ABCC1: variants seen among roughly 807,000 people sequenced by gnomAD.
The protein encoded by ABCC1 is ATP binding cassette subfamily C member 1 (ABCC1 blood group), also known as multidrug resistance-associated protein 1.
ABCC1 carries 83 observed loss-of-function variants against 172.9 expected under a neutral mutation model. That is an observed-to-expected ratio of 0.48 (90% CI 0.40 to 0.58). The LOEUF is 0.58. ABCC1 is among the 20% of genes least tolerant of loss of function. The pLI, the probability that ABCC1 is intolerant of heterozygous loss-of-function variation, is 0.00. For missense variants in ABCC1, 1,817 were observed against 2,002.7 expected (o/e 0.91, Z 1.77); for synonymous variants, 937 against 825.2 (o/e 1.14, Z -2.32).
At chr16:16,094,001 T>C (rs962840348) in intron 19 of ABCC1, among the ~76,000 whole-genome samples, 1 of 120,540 alleles carries the variant, frequency 8.3e-6, no homozygotes, top group African/African-American at 3.0e-5. Context: ...TTTTTTTTTT[T>C]AACTTTTAAT....
chr16:15,997,928 C>T (rs1349962689), intron 1 of ABCC1, among the ~76,000 whole-genome samples: 1 of 150,388 alleles, frequency 6.6e-6, no homozygotes, highest in African/African-American at 2.5e-5. Flanking sequence ...ATTCTTGTGC[C>T]TCAGCTGCCC....
intron 1 of ABCC1, among the ~76,000 whole-genome samples, chr16:15,975,381 CGTT>C (rs1420693140): frequency 6.6e-6 from 1 of 152,074 alleles, no homozygotes; most frequent in African/African-American, 2.4e-5. Context: ...AGCTTGTACA[CGTT>C]GTTCCTTTTC....
intron 5 of ABCC1, among the ~76,000 whole-genome samples, chr16:16,017,445 C>T (rs375544935): frequency 5.9e-5 from 9 of 151,974 alleles, no homozygotes; most frequent in African/African-American, 1.7e-4. Flanking sequence ...GGTATAGGTA[C>T]AGGATGTGCA....
At chr16:16,114,011 C>A (rs2044736537) in intron 22 of ABCC1, among the ~76,000 whole-genome samples, 1 of 152,200 alleles carries the variant, frequency 6.6e-6, no homozygotes, top group Non-Finnish European at 1.5e-5. Flanking sequence ...CACTCACCTC[C>A]TGCTGTGGGG....
At chr16:16,016,391 T>G in intron 4 of ABCC1, 105 bp from the exon 5 acceptor site, 1 of 1,387,702 alleles carries the variant, frequency 7.2e-7, no homozygotes, top group Non-Finnish European at 1.0e-6. Flanking sequence ...TGACCTCAGG[T>G]GTTCTGCCTG....
At chr16:16,070,708 T>G (rs910749301) in intron 13 of ABCC1, among the ~76,000 whole-genome samples, 1 of 152,106 alleles carries the variant, frequency 6.6e-6, no homozygotes, top group African/African-American at 2.4e-5. Flanking sequence ...ACAGTTGATT[T>G]ATCTCATTCT....
At chr16:16,029,305 C>T (rs1233653690) in intron 5 of ABCC1, among the ~76,000 whole-genome samples, 9 of 152,188 alleles carry the variant, frequency 5.9e-5, no homozygotes, top group Admixed American at 5.9e-4. Context: ...TTGCTGCAAC[C>T]TCTGCCTCCC....
At chr16:16,098,642 A>C (rs2051588037) in intron 19 of ABCC1, among the ~76,000 whole-genome samples, 1 of 152,132 alleles carries the variant, frequency 6.6e-6, no homozygotes, top group Admixed American at 6.5e-5. Flanking sequence ...AAAACCCAAC[A>C]CAGTTATGAC....
At chr16:16,121,142 A>G (rs2045136621) in intron 23 of ABCC1, among the ~76,000 whole-genome samples, 1 of 152,074 alleles carries the variant, frequency 6.6e-6, no homozygotes, top group Non-Finnish European at 1.5e-5. Flanking sequence ...TAAGACTGTA[A>G]CTCTTACATG....
At chr16:16,043,744 G>A (rs1303935924) in intron 7 of ABCC1, among the ~76,000 whole-genome samples, 2 of 152,180 alleles carry the variant, frequency 1.3e-5, no homozygotes, top group Non-Finnish European at 2.9e-5. Flanking sequence ...TGGGATTACA[G>A]GCACCTGCCA....
intron 17 of ABCC1, among the ~76,000 whole-genome samples, chr16:16,084,302 C>G (rs2050923661): frequency 6.6e-6 from 1 of 151,938 alleles, no homozygotes; most frequent in African/African-American, 2.4e-5. Flanking sequence ...AGGGTTTCAC[C>G]ATGTTGGCCA....
chr16:16,078,912 C>T (rs528516197), intron 15 of ABCC1, among the ~76,000 whole-genome samples: 6 of 152,264 alleles, frequency 3.9e-5, no homozygotes, highest in African/African-American at 9.6e-5. Context: ...CTCCTGACCT[C>T]GTGATCCGCC....
intron 17 of ABCC1, among the ~76,000 whole-genome samples, chr16:16,085,599 G>A (rs2050975546): frequency 6.6e-6 from 1 of 152,202 alleles, no homozygotes; most frequent in Admixed American, 6.5e-5. Context: ...GGGCAACATG[G>A]TGAAAACCCA....
intron 19 of ABCC1, among the ~76,000 whole-genome samples, chr16:16,092,878 A>G (rs2051310609): frequency 6.6e-6 from 1 of 152,198 alleles, no homozygotes; most frequent in African/African-American, 2.4e-5. Flanking sequence ...AGTCCCGGCT[A>G]TTCGGGAGGC....
chr16:16,073,282 C>T (rs1333671401), intron 14 of ABCC1, among the ~76,000 whole-genome samples: 1 of 152,130 alleles, frequency 6.6e-6, no homozygotes, highest in African/African-American at 2.4e-5. Flanking sequence ...CCAGCATTCA[C>T]ACCCACAGCC....
chr16:15,988,504 A>G (rs1459335017), intron 1 of ABCC1, among the ~76,000 whole-genome samples: 3 of 152,180 alleles, frequency 2.0e-5, no homozygotes, highest in African/African-American at 7.2e-5. Context: ...ACCCTGGAAC[A>G]TGACTAAGGG....
intron 16 of ABCC1, among the ~76,000 whole-genome samples, chr16:16,082,990 C>T (rs1003679643): frequency 1.1e-4 from 17 of 152,316 alleles, no homozygotes; most frequent in Middle Eastern, 3.4e-3. Flanking sequence ...TTTATCTTTG[C>T]GTCCACCGTA....
intron 14 of ABCC1, among the ~76,000 whole-genome samples, chr16:16,073,502 C>T (rs2050433479): frequency 6.6e-6 from 1 of 152,206 alleles, no homozygotes; most frequent in African/African-American, 2.4e-5. Flanking sequence ...GTGGCTCCTA[C>T]CTATAATCCT....
intron 1 of ABCC1, among the ~76,000 whole-genome samples, chr16:16,006,199 A>G (rs771860436): frequency 1.3e-5 from 2 of 152,154 alleles, no homozygotes; most frequent in Admixed American, 1.3e-4. Context: ...TGAGACCCCA[A>G]AAAGGGTAGT....
Sources: gnomAD v4.1 joint callset for allele counts (sites outside exome capture counted in the v4.1 genomes callset) on GRCh38, gnomAD v4.1.1 for gene constraint, MANE v1.5 for transcripts, NCBI Gene and HGNC (gene_info 2026-07-23, HGNC 2026-07-21) for gene names.